The following ATXN1 variants were observed in gnomAD, a reference collection of about 807,000 sequenced individuals.
ATXN1 encodes the protein ataxin-1.
ATXN1 carries 8 observed loss-of-function variants against 56.4 expected under a neutral mutation model. The ratio of observed to expected loss-of-function variants is 0.14; its 90% CI spans 0.08 to 0.26. The LOEUF is 0.26. Ranked by LOEUF, ATXN1 falls within the 10% of genes least tolerant of loss-of-function variation. ATXN1 has a pLI of 1.00. For missense variants in ATXN1, 987 were observed against 1,106.5 expected, an observed-to-expected ratio of 0.89 and a Z score of 1.53; for synonymous variants, 514 against 494.6, an observed-to-expected ratio of 1.04 and a Z score of -0.52.
intron 2 of ATXN1, among the ~76,000 whole-genome samples, chr6:16,748,645 G>A (rs1264967942): frequency 6.6e-6 from 1 of 152,036 alleles, no homozygotes; most frequent in Admixed American, 6.5e-5. Context: ...TTCCCTAGAG[G>A]GCCTTGTTGG....
At chr6:16,746,969 G>A (rs1760555412) in intron 2 of ATXN1, among the ~76,000 whole-genome samples, 2 of 152,044 alleles carry the variant, frequency 1.3e-5, no homozygotes, top group African/African-American at 4.8e-5. Flanking sequence ...GCAAGGTACA[G>A]TGAGTAGCAC....
intron 6 of ATXN1, among the ~76,000 whole-genome samples, chr6:16,438,325 G>C (rs1344878571): frequency 6.6e-6 from 1 of 152,184 alleles, no homozygotes; most frequent in Non-Finnish European, 1.5e-5. Context: ...GAAAAGCAAA[G>C]AAAGATAACA....
chr6:16,601,261 T>C (rs1217643552), intron 3 of ATXN1, among the ~76,000 whole-genome samples: 1 of 152,196 alleles, frequency 6.6e-6, no homozygotes, highest in Non-Finnish European at 1.5e-5. Context: ...TAGTCTAAGT[T>C]ATGTGACACA....
chr6:16,530,269 T>A (rs1291610501), intron 4 of ATXN1, among the ~76,000 whole-genome samples: 1 of 152,120 alleles, frequency 6.6e-6, no homozygotes, highest in East Asian at 1.9e-4. Flanking sequence ...GGAAAGTAAT[T>A]AAAATCAACG....
chr6:16,618,528 C>T (rs1561781289), intron 3 of ATXN1, among the ~76,000 whole-genome samples: 3 of 152,170 alleles, frequency 2.0e-5, no homozygotes, highest in South Asian at 2.1e-4. Context: ...GTCACGAGTT[C>T]GTGACCAGCC....
At chr6:16,470,312 C>T (rs1257458496) in intron 6 of ATXN1, among the ~76,000 whole-genome samples, 1 of 151,866 alleles carries the variant, frequency 6.6e-6, no homozygotes, top group African/African-American at 2.4e-5. Flanking sequence ...TGGTGGCTGC[C>T]GGGGGCTAGG....
At chr6:16,659,345 C>A (rs1367719213) in intron 2 of ATXN1, among the ~76,000 whole-genome samples, 2 of 152,218 alleles carry the variant, frequency 1.3e-5, no homozygotes, top group African/African-American at 2.4e-5. Flanking sequence ...AAGTTCAAAG[C>A]ATGACAAACT....
At chr6:16,582,365 C>A (rs528052994) in intron 4 of ATXN1, among the ~76,000 whole-genome samples, 1 of 152,214 alleles carries the variant, frequency 6.6e-6, no homozygotes, top group Admixed American at 6.5e-5. Flanking sequence ...AATGCCCAGC[C>A]CTATACTGGG....
At chr6:16,521,475 G>A (rs1443041420) in intron 5 of ATXN1, among the ~76,000 whole-genome samples, 1 of 152,160 alleles carries the variant, frequency 6.6e-6, no homozygotes, top group Non-Finnish European at 1.5e-5. Flanking sequence ...GGAGAATGGC[G>A]TGAACCCGGG....
rs1003846359 is a variant in ATXN1, at chr6:16,299,143, G to A, written c.*7186C>T. On this transcript the variant is annotated 3_prime_UTR_variant, in exon 8 of 8. Transcript: ENST00000436367. ...TGGCACTGTTATTTTATTAGTACGA[G>A]TATACTGAAACAATAAACTTGTACT... 1 of 152,602 alleles carries A rather than the reference G, an allele frequency of 6.6e-6. No homozygotes were observed. Among genetic ancestry groups the A allele is most frequent in the African/African-American group, 2.4e-5 (1 of 41,424 alleles). 9.5% of individuals were successfully genotyped at this position (152,602 alleles called of 1,614,324 possible).
At chr6:16,712,153 T>C (rs1035194739) in intron 2 of ATXN1, among the ~76,000 whole-genome samples, 8 of 152,208 alleles carry the variant, frequency 5.3e-5, no homozygotes, top group Non-Finnish European at 1.2e-4. Context: ...ATGTATGCAT[T>C]CATCAAAACT....
intron 3 of ATXN1, among the ~76,000 whole-genome samples, chr6:16,603,994 T>C (rs1238848778): frequency 6.6e-6 from 1 of 152,154 alleles, no homozygotes; most frequent in African/African-American, 2.4e-5. Flanking sequence ...CGAGTGATAC[T>C]ATCTCTCCTA....
chr6:16,471,778 G>A (rs1267689427), intron 6 of ATXN1, among the ~76,000 whole-genome samples: 1 of 152,006 alleles, frequency 6.6e-6, no homozygotes, highest in African/African-American at 2.4e-5. Flanking sequence ...GGTTGGAAGA[G>A]CAACAACAAT....
At chr6:16,325,218 T>C (rs576769997) in intron 7 of ATXN1, among the ~76,000 whole-genome samples, 67 of 151,900 alleles carry the variant, frequency 4.4e-4, no homozygotes, top group African/African-American at 1.5e-3. Flanking sequence ...CCCGGGTTCA[T>C]GCAATTCTCC....
rs1258797629 is a variant in ATXN1, at chr6:16,301,460, C to T, written c.*4869G>A. The T allele has an allele frequency of 6.6e-6, 1 of 152,588 alleles. No individual in the cohort carries two copies. The highest frequency in any genetic ancestry group is 1.5e-5 in the Non-Finnish European group (1 of 68,030). 9.5% of individuals were successfully genotyped at this position (152,588 alleles called of 1,614,324 possible). On this transcript the variant is annotated 3_prime_UTR_variant, in exon 8 of 8. Coordinates refer to ENST00000436367, the MANE Select transcript of ATXN1 (RefSeq NM_001128164.2). ...TGGAAAAGAGAGGAAACCAACCCAA[C>T]ACAATAGCAGATGCATGTGCTTTAT...
intron 6 of ATXN1, among the ~76,000 whole-genome samples, chr6:16,404,916 G>A (rs959497978): frequency 6.6e-6 from 1 of 152,118 alleles, no homozygotes; most frequent in African/African-American, 2.4e-5. Flanking sequence ...TCTAGCCTGG[G>A]AAACTTTCTT....
intron 2 of ATXN1, among the ~76,000 whole-genome samples, chr6:16,733,498 G>C (rs1338258853): frequency 6.6e-6 from 1 of 151,078 alleles, no homozygotes. Flanking sequence ...AAGGGTTCAA[G>C]GCTGCAGTAA....
At chr6:16,434,702 T>A (rs1759351850) in intron 6 of ATXN1, among the ~76,000 whole-genome samples, 1 of 152,180 alleles carries the variant, frequency 6.6e-6, no homozygotes, top group African/African-American at 2.4e-5. Flanking sequence ...ACAAATCAAA[T>A]ACTGATGGAG....
intron 6 of ATXN1, among the ~76,000 whole-genome samples, chr6:16,381,184 G>A (rs578043143): frequency 6.6e-6 from 1 of 152,328 alleles, no homozygotes; most frequent in South Asian, 2.1e-4. Context: ...CTACTCGGGA[G>A]AATGAGGGAG....
Sources: allele counts gnomAD v4.1 joint callset (sites outside exome capture counted in the v4.1 genomes callset), GRCh38; gene constraint gnomAD v4.1.1; transcripts MANE v1.5; gene names NCBI Gene and HGNC (gene_info 2026-07-23, HGNC 2026-07-21).